The following RGS19 variants were observed in gnomAD, a reference collection of about 807,000 sequenced individuals.
RGS19 encodes the protein regulator of G protein signaling 19.
In RGS19, 9 loss-of-function variants were observed where a neutral mutation model predicts 22.0. That is an observed-to-expected ratio of 0.41 (90% CI 0.25 to 0.71). RGS19 has a LOEUF of 0.71. Among genes scored for constraint, RGS19 ranks in the 30% least tolerant of loss-of-function variants. The pLI is 0.32. For missense variants in RGS19, 256 were observed against 307.1 expected (o/e 0.83, Z 1.24); for synonymous variants, 130 against 127.3 (o/e 1.02, Z -0.14).
At position 64,074,555 on chromosome 20, in the gene RGS19, G is replaced by C. The variant is rs1410295178; in HGVS notation, c.153-14C>G. ...CGCTCTTGGTTCCTAGTGGCAGAGA[G>C]GAAGCAGCGCTGCCGTGGGCACACA... is the stretch of plus-strand genomic sequence containing the variant. On this transcript the variant is annotated splice_polypyrimidine_tract_variant and intron_variant, in intron 3 of 5. Coordinates refer to ENST00000395042, the MANE Select transcript of RGS19 (RefSeq NM_005873.3). 6.5e-7 allele frequency: 1 copy of C among 1,549,458 alleles called. No homozygotes were observed. The highest frequency in any genetic ancestry group is 1.4e-5 in the African/African-American group (1 of 73,232).
Position 64,075,763 on chromosome 20 carries a change from C to T in RGS19, c.152+762G>A, listed in dbSNP as rs938573400. Among the ~76,000 whole-genome samples, 3 of 152,214 alleles carry T rather than the reference C, an allele frequency of 2.0e-5. No individual in the cohort carries two copies. The highest frequency in any genetic ancestry group is 4.8e-5 in the African/African-American group (2 of 41,452). On this transcript the variant is annotated intron_variant, in intron 3 of 5. Coordinates refer to ENST00000395042, the MANE Select transcript of RGS19 (RefSeq NM_005873.3). The surrounding 1 kb of genome is among the most constrained non-coding windows in gnomAD (Gnocchi z 4.6). ...CCCTGCTCTTCTTCCCCCACGCATG[C>T]TGTCCGGGAAGCTCTTGGCCATCGC...
Position 64,074,316 on chromosome 20 carries a change from C to T in RGS19, c.290G>A (p.Ser97Asn). The part of the protein sequence containing the change: ...WAQSFDKLMH[S>N]PAGRSVFRAF... ...CCGGAACACGCTGCGTCCCGCTGGG[C>T]TGTGCATCAGCTTGTCAAAAGACTG... The change falls in exon 5 of 6, where the codon AGC (serine) becomes AAC (asparagine). Residue 97 changes from serine (S) to asparagine (N), a missense_variant. Coordinates refer to ENST00000395042, the MANE Select transcript of RGS19 (RefSeq NM_005873.3). The T allele has an allele frequency of 6.2e-7, 1 of 1,612,754 alleles. No individual in the cohort carries two copies. Among genetic ancestry groups the T allele is most frequent in the East Asian group, 2.2e-5 (1 of 44,886 alleles).
At chr20:64,076,802 C>T in intron 2 of RGS19, 55 bp downstream of exon 2, 1 of 1,571,786 alleles carries the variant, frequency 6.4e-7, no homozygotes, top group Non-Finnish European at 8.6e-7. Context: ...GGCCCCTCAG[C>T]TTGCCCCACC....
At chr20:64,074,423 T>C in intron 4 of RGS19, 44 bp downstream of exon 4, 6 of 1,576,600 alleles carry the variant, frequency 3.8e-6, no homozygotes, top group Non-Finnish European at 5.2e-6. Flanking sequence ...AGTCTCCCGG[T>C]CTGGGGCCCC....
chr20:64,073,736 C>A lies in RGS19; in HGVS notation c.*117G>T. On this transcript the variant is annotated 3_prime_UTR_variant, in exon 6 of 6. Transcript: ENST00000395042. ...CCCACTGGGTCTAGGACCGTCTCCG[C>A]GGGTGGGGACCCCAGCCGGCCAGGC... 2.2e-6 allele frequency: 2 copies of A among 907,706 alleles called. No individual in the cohort carries two copies. The highest frequency in any genetic ancestry group is 1.7e-5 in the African/African-American group (1 of 59,910). The allele number at this position is 907,706 out of a possible 1,614,324, so 56.2% of individuals were successfully genotyped here. A position where few individuals can be genotyped will look rare whatever the true frequency, so the allele number is the denominator to read the frequency against.
At position 64,073,907 on chromosome 20, in the gene RGS19, G is replaced by A; in HGVS notation, c.600C>T (p.Pro200=). 3.7e-6 allele frequency: 6 copies of A among 1,613,646 alleles called. No homozygotes were observed. The highest frequency in any genetic ancestry group is 5.1e-6 in the Non-Finnish European group (6 of 1,179,836). The change falls in exon 6 of 6, where the codon CCC becomes CCT. Residue 200 remains proline, a synonymous_variant. Coordinates refer to ENST00000395042, the MANE Select transcript of RGS19 (RefSeq NM_005873.3). ...RDSYPRFLSS[P]TYRALLLQGP... Reference sequence around the variant, plus strand: ...CCTGCAGCAGCAGGGCACGGTAGGTGGGAGAGCTGAGGAAGCGGGGGTAGG... The same window carrying A: ...CCTGCAGCAGCAGGGCACGGTAGGTAGGAGAGCTGAGGAAGCGGGGGTAGG...
chr20:64,076,730 C>T, intron 2 of RGS19, 84 bp from the exon 3 acceptor site: 2 of 1,524,186 alleles, frequency 1.3e-6, no homozygotes, highest in South Asian at 2.3e-5. Context: ...ATGGGTAGCC[C>T]TGTTCCCAGG....
chr20:64,075,968 G>A lies in RGS19; in HGVS notation c.152+557C>T, dbSNP rs1296459125. Among the ~76,000 whole-genome samples, 4 of 151,414 alleles carry A rather than the reference G, an allele frequency of 2.6e-5. No homozygotes were observed. Among genetic ancestry groups the A allele is most frequent in the African/African-American group, 7.3e-5 (3 of 41,084 alleles). The stretch of plus-strand genomic sequence containing the variant: ...GCGATCTCGGCTCAACGCAACCTCC[G>A]CCTCCCAGGTTCAAGCCATTCTCCT... On this transcript the variant is annotated intron_variant, in intron 3 of 5. Transcript: ENST00000395042. The surrounding 1 kb of genome is among the most constrained non-coding windows in gnomAD (Gnocchi z 4.6).
In RGS19 at chr20:64,075,505, C is replaced by G. The variant is rs2059898198; in HGVS notation, c.153-964G>C. Among the ~76,000 whole-genome samples, 1 of 152,214 alleles carries G rather than the reference C, an allele frequency of 6.6e-6. No individual in the cohort carries two copies. The highest frequency in any genetic ancestry group is 6.5e-5 in the Admixed American group (1 of 15,282). ...TAGGCCCCTGGGCTCCTCCCACCCC[C>G]TTTCCCGACTGCCCCCTGGCCACCC... On this transcript the variant is annotated intron_variant, in intron 3 of 5. Transcript: ENST00000395042. This position sits in a 1 kb window ranked among gnomAD's most constrained non-coding sequence, Gnocchi z 4.6.
chr20:64,075,885 CTTTT>C lies in RGS19; in HGVS notation c.152+636_152+639del, dbSNP rs71333734. On this transcript the variant is annotated intron_variant, in intron 3 of 5. Transcript: ENST00000395042. The surrounding 1 kb of genome is among the most constrained non-coding windows in gnomAD (Gnocchi z 4.6). ...TGTGCCTGTCTTTCTTTCTTTCTTT[CTTTT>C]TTTTTTTTTGAGACGGAGTTTTGCT... Among the ~76,000 whole-genome samples, 5 of 83,282 alleles carry C rather than the reference CTTTT, an allele frequency of 6.0e-5. No individual in the cohort carries two copies. The highest frequency in any genetic ancestry group is 2.4e-4 in the Admixed American group (2 of 8,270). 54.6% of individuals were successfully genotyped at this position (83,282 alleles called of 152,430 possible).
Position 64,073,913 on chromosome 20 carries a change from G to C in RGS19, c.594C>G (p.Ser198Arg). 6.2e-7 allele frequency: 1 copy of C among 1,613,682 alleles called. No homozygotes were observed. Among genetic ancestry groups the C allele is most frequent in the Non-Finnish European group, 8.5e-7 (1 of 1,179,842 alleles). ...GCAGCAGGGCACGGTAGGTGGGAGA[G>C]CTGAGGAAGCGGGGGTAGGAGTCCC... ...MHRDSYPRFL[S>R]SPTYRALLLQ... is the part of the protein sequence containing the mutation. Residue 198 changes from serine (S) to arginine (R), a missense_variant, in exon 6 of 6, where the codon AGC (serine) becomes AGG (arginine). By Grantham distance (110) the Ser-to-Arg change is moderately radical (BLOSUM62 -1). Coordinates refer to ENST00000395042, the MANE Select transcript of RGS19 (RefSeq NM_005873.3).
chr20:64,075,665 A>G lies in RGS19; in HGVS notation c.152+860T>C, dbSNP rs1205224777. 6.6e-6 allele frequency among the ~76,000 whole-genome samples: 1 copy of G among 152,160 alleles called. No individual in the cohort carries two copies. Among genetic ancestry groups the G allele is most frequent in the Non-Finnish European group, 1.5e-5 (1 of 67,964 alleles). On this transcript the variant is annotated intron_variant, in intron 3 of 5. Coordinates refer to ENST00000395042, the MANE Select transcript of RGS19 (RefSeq NM_005873.3). This position sits in a 1 kb window ranked among gnomAD's most constrained non-coding sequence, Gnocchi z 4.6. ...CATCCACCAGCTCCCCTACACTCCT[A>G]GGAAATCTGTTACCATCTGGGAGCC...
chr20:64,073,646 G>A lies in RGS19; in HGVS notation c.*207C>T. On this transcript the variant is annotated 3_prime_UTR_variant, in exon 6 of 6. Transcript: ENST00000395042. ...GCTTCTGGCCCGCCCTGCACCTGGA[G>A]GCCCGCCCTGCACCTGGAGTTCCTG... is the stretch of plus-strand genomic sequence containing the variant. 1 of 544,008 alleles carries A rather than the reference G, an allele frequency of 1.8e-6. No homozygotes were observed. Among genetic ancestry groups the A allele is most frequent in the Non-Finnish European group, 3.3e-6 (1 of 307,436 alleles). 33.7% of individuals were successfully genotyped at this position (544,008 alleles called of 1,614,324 possible).
rs891547940 is a variant in RGS19, at chr20:64,075,512, G to C, written c.153-971C>G. On this transcript the variant is annotated intron_variant, in intron 3 of 5. Transcript: ENST00000395042. This position sits in a 1 kb window ranked among gnomAD's most constrained non-coding sequence, Gnocchi z 4.6. ...CTGGGCTCCTCCCACCCCCTTTCCCGACTGCCCCCTGGCCACCCCCAGCTT... is the reference window on the plus strand; with the variant it reads ...CTGGGCTCCTCCCACCCCCTTTCCCCACTGCCCCCTGGCCACCCCCAGCTT... Among the ~76,000 whole-genome samples the C allele has an allele frequency of 1.4e-5, 2 of 147,774 alleles. No homozygotes were observed. Among genetic ancestry groups the C allele is most frequent in the Non-Finnish European group, 3.0e-5 (2 of 66,676 alleles).
At chr20:64,077,336 G>A (rs1376543468) in intron 1 of RGS19, among the ~76,000 whole-genome samples, 5 of 152,176 alleles carry the variant, frequency 3.3e-5, no homozygotes, top group Admixed American at 1.3e-4. Flanking sequence ...TGGTGCGTGC[G>A]GGTGGTGGCC....
intron 1 of RGS19, 71 bp from the exon 2 acceptor site, chr20:64,077,025 C>T: frequency 1.3e-6 from 1 of 782,232 alleles, no homozygotes; most frequent in Non-Finnish European, 1.9e-6. Flanking sequence ...TAGGAGGGGT[C>T]CTGAGAGGGT....
Position 64,074,173 on chromosome 20 carries a change from C to G in RGS19, c.433G>C (p.Asp145His). 1 of 1,613,994 alleles carries G rather than the reference C, an allele frequency of 6.2e-7. No homozygotes were observed. The highest frequency in any genetic ancestry group is 8.5e-7 in the Non-Finnish European group (1 of 1,179,974). Residue 145 changes from aspartate to histidine, a missense_variant, in exon 5 of 6, where the codon GAC becomes CAC. Physicochemically the swap from Asp to His is moderately conservative, Grantham distance 81 (BLOSUM62 -1). Transcript: ENST00000395042. ...VDEKARLIYE[D>H]YVSILSPKEV... ...TTGGGGGACAGGATGGATACGTAGT[C>G]CTCGTAGATGAGCCTCGCCTTCTCG... is the stretch of plus-strand genomic sequence containing the variant.
Position 64,079,491 on chromosome 20 carries a change from C to T in RGS19, c.-266G>A, listed in dbSNP as rs2059940538. 1 of 151,034 alleles carries T rather than the reference C, an allele frequency of 6.6e-6. No homozygotes were observed. The highest frequency in any genetic ancestry group is 2.4e-5 in the African/African-American group (1 of 41,134). The allele number at this position is 151,034 out of a possible 1,614,324, so 9.4% of individuals were successfully genotyped here. A position where few individuals can be genotyped will look rare whatever the true frequency, so the allele number is the denominator to read the frequency against. On this transcript the variant is annotated 5_prime_UTR_variant, in exon 1 of 6. Transcript: ENST00000395042. This position sits in a 1 kb window ranked among gnomAD's most constrained non-coding sequence, Gnocchi z 5.1. Reference sequence around the variant, plus strand: ...CGGGGGCGCAGCGCCTCCCCTACAGCTCGAAGGGCTGAGTGGCTGCCAGAT... The same window carrying T: ...CGGGGGCGCAGCGCCTCCCCTACAGTTCGAAGGGCTGAGTGGCTGCCAGAT...
chr20:64,076,801 G>T (rs896474719), intron 2 of RGS19, 56 bp downstream of exon 2: 15 of 1,568,598 alleles, frequency 9.6e-6, no homozygotes, highest in African/African-American at 4.1e-5. Context: ...TGGCCCCTCA[G>T]CTTGCCCCAC....
Sources: allele counts gnomAD v4.1 joint callset (sites outside exome capture counted in the v4.1 genomes callset), GRCh38; gene constraint gnomAD v4.1.1; non-coding constraint Gnocchi (gnomAD v3.1); transcripts MANE v1.5; gene names NCBI Gene and HGNC (gene_info 2026-07-23, HGNC 2026-07-21).